Variants in AFG2A observed in about 807,000 individuals in gnomAD.
AFG2A encodes ATPase family gene 2 protein homolog A.
chr4:122,969,335 A>G, the AFG2A span, among the ~76,000 whole-genome samples: 2 of 152,044 alleles, frequency 1.3e-5, no homozygotes, highest in African/African-American at 4.8e-5. Context: ...AGTTATTGAA[A>G]TGACCATCAA....
the AFG2A span, among the ~76,000 whole-genome samples, chr4:122,977,532 A>G: frequency 1.3e-5 from 2 of 152,338 alleles, no homozygotes; most frequent in South Asian, 2.1e-4. Flanking sequence ...AGCCCCAAAG[A>G]GAGTGTCACA....
chr4:122,923,418 G>C, the AFG2A span: 3 of 1,418,732 alleles, frequency 2.1e-6, no homozygotes, highest in South Asian at 3.9e-5. Context: ...GCGTGGCATG[G>C]GTCTGAGAGC....
chr4:123,042,991 A>G, the AFG2A span, among the ~76,000 whole-genome samples: 1 of 152,200 alleles, frequency 6.6e-6, no homozygotes, highest in South Asian at 2.1e-4. Context: ...ATTTCTTTGT[A>G]TAGATCTAGG....
chr4:123,042,947 T>C, the AFG2A span, among the ~76,000 whole-genome samples: 1 of 152,216 alleles, frequency 6.6e-6, no homozygotes, highest in East Asian at 1.9e-4. Flanking sequence ...CTATTCTATA[T>C]TTATTCATAT....
At chr4:123,013,997 G>C in the AFG2A span, among the ~76,000 whole-genome samples, 1 of 152,068 alleles carries the variant, frequency 6.6e-6, no homozygotes, top group Non-Finnish European at 1.5e-5. Context: ...CTAGTTTTGG[G>C]TCATTTGGTT....
the AFG2A span, among the ~76,000 whole-genome samples, chr4:123,086,937 C>G: frequency 2.0e-5 from 3 of 152,114 alleles, no homozygotes; most frequent in Non-Finnish European, 4.4e-5. Flanking sequence ...CATCACTCTG[C>G]TTACATTACT....
chr4:122,981,067 T>C, the AFG2A span, among the ~76,000 whole-genome samples: 1 of 152,204 alleles, frequency 6.6e-6, no homozygotes, highest in Non-Finnish European at 1.5e-5. Flanking sequence ...CAAAAATTCA[T>C]TGCCCTGGAC....
chr4:123,185,319 A>G, the AFG2A span, among the ~76,000 whole-genome samples: 2 of 151,994 alleles, frequency 1.3e-5, no homozygotes, highest in African/African-American at 4.8e-5. Context: ...TAGTATTCAA[A>G]GGTTCATAAC....
the AFG2A span, among the ~76,000 whole-genome samples, chr4:123,027,855 A>G: frequency 6.6e-6 from 1 of 152,170 alleles, no homozygotes; most frequent in Non-Finnish European, 1.5e-5. Context: ...GGATGACTTG[A>G]CTCAAACCAC....
chr4:122,928,544 G>A, the AFG2A span, among the ~76,000 whole-genome samples: 1 of 152,134 alleles, frequency 6.6e-6, no homozygotes, highest in Admixed American at 6.5e-5. Context: ...GACTATAAAT[G>A]TGTGAGCTTA....
the AFG2A span, among the ~76,000 whole-genome samples, chr4:123,166,660 A>G: frequency 8.0e-4 from 122 of 152,334 alleles, no homozygotes; most frequent in African/African-American, 2.7e-3. Context: ...ATTGCCAAGG[A>G]ATAGTCATGA....
chr4:122,945,526 G>A, the AFG2A span, among the ~76,000 whole-genome samples: 66 of 152,310 alleles, frequency 4.3e-4, no homozygotes, highest in East Asian at 0.01. Flanking sequence ...GGAGTGACCC[G>A]ATATTCCAGG....
chr4:123,294,444 C>CT, the AFG2A span, among the ~76,000 whole-genome samples: 9 of 152,188 alleles, frequency 5.9e-5, no homozygotes, highest in African/African-American at 2.2e-4. Context: ...CCAAACCTAT[C>CT]TTTACCCATT....
At chr4:123,307,207 G>A in the AFG2A span, among the ~76,000 whole-genome samples, 1 of 152,124 alleles carries the variant, frequency 6.6e-6, no homozygotes, top group African/African-American at 2.4e-5. Context: ...GAGTCTTGCA[G>A]TGTTGCCCAG....
At chr4:123,082,762 T>C in the AFG2A span, among the ~76,000 whole-genome samples, 5 of 152,210 alleles carry the variant, frequency 3.3e-5, no homozygotes, top group Non-Finnish European at 7.4e-5. Flanking sequence ...TTGAAAAGAA[T>C]TGACATCTTA....
the AFG2A span, among the ~76,000 whole-genome samples, chr4:123,107,025 A>G: frequency 2.0e-5 from 3 of 152,282 alleles, no homozygotes; most frequent in East Asian, 5.8e-4. Flanking sequence ...TACTGCACAC[A>G]TCTTCCACTC....
the AFG2A span, among the ~76,000 whole-genome samples, chr4:122,954,706 A>C: frequency 6.6e-6 from 1 of 152,192 alleles, no homozygotes; most frequent in Non-Finnish European, 1.5e-5. Flanking sequence ...AGTTCTTCCT[A>C]TAACAGACAA....
At chr4:123,095,045 ATATAT>A in the AFG2A span, among the ~76,000 whole-genome samples, 24 of 84,302 alleles carry the variant, frequency 2.8e-4, no homozygotes, top group African/African-American at 1.0e-3. Flanking sequence ...AAAAAAAAAT[ATATAT>A]ATATATATAT....
chr4:123,168,754 C>T, the AFG2A span, among the ~76,000 whole-genome samples: 1 of 152,210 alleles, frequency 6.6e-6, no homozygotes, highest in Non-Finnish European at 1.5e-5. Flanking sequence ...TTGTTGTATA[C>T]TAAAAGCTGT....
Sources: allele counts gnomAD v4.1 joint callset (sites outside exome capture counted in the v4.1 genomes callset), GRCh38; gene constraint gnomAD v4.1.1; transcripts MANE v1.5; gene names NCBI Gene and HGNC (gene_info 2026-07-23, HGNC 2026-07-21).